Variants in VPS54 observed in about 807,000 individuals in gnomAD.
VPS54 encodes VPS54 subunit of GARP complex, also known as vacuolar protein sorting-associated protein 54.
Under a neutral mutation model 121.5 loss-of-function variants are expected in VPS54, and 45 were observed. That is an observed-to-expected ratio of 0.37 (90% CI 0.29 to 0.47). The LOEUF (loss-of-function observed/expected upper bound fraction) is 0.47. Ranked by LOEUF, VPS54 falls within the 20% of genes least tolerant of loss-of-function variation. The probability of loss-of-function intolerance (pLI) is 0.99; values close to 1 mark genes in which losing one functional copy is unlikely to be tolerated. For missense variants in VPS54, 1,090 were observed against 1,131.4 expected, an observed-to-expected ratio of 0.96 and a Z score of 0.52; for synonymous variants, 371 against 385.8, an observed-to-expected ratio of 0.96 and a Z score of 0.45.
chr2:63,985,843 T>G (rs1363685522), intron 1 of VPS54, among the ~76,000 whole-genome samples: 1 of 152,214 alleles, frequency 6.6e-6, no homozygotes, highest in Non-Finnish European at 1.5e-5. Context: ...CTCTGTCATT[T>G]ATATCCACAC....
At chr2:63,916,143 G>A (rs1673370036) in intron 16 of VPS54, among the ~76,000 whole-genome samples, 1 of 152,100 alleles carries the variant, frequency 6.6e-6, no homozygotes, top group South Asian at 2.1e-4. Context: ...AATTCTCATA[G>A]TGGAAAAAGG....
chr2:63,998,469 G>A (rs1027117213), intron 1 of VPS54, among the ~76,000 whole-genome samples: 2 of 151,962 alleles, frequency 1.3e-5, no homozygotes, highest in African/African-American at 2.4e-5. Flanking sequence ...TGGTTGTTTC[G>A]TAGTCTTCTC....
chr2:63,900,144 T>G (rs1672614237), intron 20 of VPS54, among the ~76,000 whole-genome samples: 2 of 135,694 alleles, frequency 1.5e-5, no homozygotes, highest in African/African-American at 5.7e-5. Flanking sequence ...TGCTTGGACC[T>G]GGGAGGTGCA....
chr2:63,986,477 A>G (rs745804118), intron 1 of VPS54, among the ~76,000 whole-genome samples: 1 of 152,224 alleles, frequency 6.6e-6, no homozygotes, highest in African/African-American at 2.4e-5. Flanking sequence ...TCTATTGTGT[A>G]TATGTACCAC....
At chr2:64,005,657 A>G (rs1678110272) in intron 1 of VPS54, among the ~76,000 whole-genome samples, 1 of 152,228 alleles carries the variant, frequency 6.6e-6, no homozygotes, top group African/African-American at 2.4e-5. Context: ...TGACATTTTG[A>G]AAGGGATAAT....
chr2:63,926,743 TGTGA>T lies in VPS54; in HGVS notation c.1740-5412_1740-5409del, dbSNP rs1673924166. Among the ~76,000 whole-genome samples, 3 of 152,268 alleles carry T rather than the reference TGTGA, an allele frequency of 2.0e-5. No homozygotes were observed. The South Asian group carries it at 6.2e-4, about 32-fold the overall frequency. ...TTTCCCTTTCCTAGCCAAGGGAAGCTGTGAGTAACTGCACCTGGAGAAGTGGTAC... is the reference window on the plus strand; with the variant it reads ...TTTCCCTTTCCTAGCCAAGGGAAGCTGTAACTGCACCTGGAGAAGTGGTAC... On this transcript the variant is annotated intron_variant, in intron 12 of 22. Coordinates refer to ENST00000272322, the MANE Select transcript of VPS54 (RefSeq NM_016516.3).
At chr2:64,009,460 C>T (rs1678327256) in intron 1 of VPS54, among the ~76,000 whole-genome samples, 1 of 152,060 alleles carries the variant, frequency 6.6e-6, no homozygotes, top group Non-Finnish European at 1.5e-5. Flanking sequence ...AGACTACTGG[C>T]ACCCAGCACC....
intron 6 of VPS54, among the ~76,000 whole-genome samples, chr2:63,962,713 CT>C (rs1322741953): frequency 6.6e-6 from 1 of 152,104 alleles, no homozygotes; most frequent in Non-Finnish European, 1.5e-5. Flanking sequence ...ACACCAACTG[CT>C]TTCTAAAAGA....
intron 11 of VPS54, among the ~76,000 whole-genome samples, chr2:63,939,088 CT>C (rs1438430792): frequency 2.0e-5 from 3 of 152,034 alleles, no homozygotes; most frequent in Non-Finnish European, 4.4e-5. Flanking sequence ...AAAATGTACC[CT>C]TTAATTTCTT....
At chr2:64,017,770 A>C (rs529575415) in intron 1 of VPS54, among the ~76,000 whole-genome samples, 1 of 152,390 alleles carries the variant, frequency 6.6e-6, no homozygotes, top group East Asian at 1.9e-4. Context: ...ATTTAAAAAT[A>C]GCCAAATTAC....
intron 1 of VPS54, among the ~76,000 whole-genome samples, chr2:64,007,116 A>T (rs1678196338): frequency 6.6e-6 from 1 of 152,226 alleles, no homozygotes; most frequent in Admixed American, 6.5e-5. Flanking sequence ...AACTAAACCA[A>T]TATGGGCAGA....
chr2:63,975,025 T>C (rs1159515294), intron 3 of VPS54: 19 of 1,549,576 alleles, frequency 1.2e-5, no homozygotes, highest in Middle Eastern at 3.3e-4. Context: ...AGTTTCCCCA[T>C]TAGCTACAGA....
intron 5 of VPS54, 54 bp from the exon 6 acceptor site, chr2:63,966,020 T>C: frequency 1.9e-6 from 3 of 1,549,908 alleles, no homozygotes; most frequent in African/African-American, 1.4e-5. Context: ...TTATACCCAT[T>C]ATCTCTTCTA....
chr2:63,976,823 CTCTTTTTT>C (rs1232902783), intron 3 of VPS54, among the ~76,000 whole-genome samples: 3 of 68,040 alleles, frequency 4.4e-5, no homozygotes, highest in Admixed American at 3.8e-4. Context: ...CTTATATCTT[CTCTTTTTT>C]TTTTTTTTTT....
chr2:63,956,911 C>T (rs1427288801), intron 7 of VPS54, among the ~76,000 whole-genome samples: 3 of 152,024 alleles, frequency 2.0e-5, no homozygotes, highest in Non-Finnish European at 4.4e-5. Flanking sequence ...GACACCACAG[C>T]CCTAAGTTTC....
intron 9 of VPS54, 21 bp from the exon 10 acceptor site, chr2:63,944,676 C>G (rs371571655): frequency 1.3e-6 from 2 of 1,583,010 alleles, no homozygotes; most frequent in African/African-American, 1.4e-5. Flanking sequence ...TAAGAAAAAA[C>G]AAAAACAATT....
At chr2:63,946,037 C>A (rs1233857496) in intron 9 of VPS54, among the ~76,000 whole-genome samples, 1 of 152,080 alleles carries the variant, frequency 6.6e-6, no homozygotes, top group Non-Finnish European at 1.5e-5. Flanking sequence ...CTCCCCTATT[C>A]CCCTACCAGT....
intron 7 of VPS54, among the ~76,000 whole-genome samples, chr2:63,952,858 G>C (rs979343348): frequency 1.3e-5 from 2 of 152,104 alleles, no homozygotes; most frequent in African/African-American, 2.4e-5. Context: ...CTTAGAATCT[G>C]TCTCAAAGAT....
chr2:64,001,895 A>T (rs1042797481), intron 1 of VPS54, among the ~76,000 whole-genome samples: 4 of 152,062 alleles, frequency 2.6e-5, no homozygotes, highest in Non-Finnish European at 5.9e-5. Flanking sequence ...ATGTGCCCCT[A>T]ATTCCACTGG....
Sources: allele counts gnomAD v4.1 joint callset (sites outside exome capture counted in the v4.1 genomes callset), GRCh38; gene constraint gnomAD v4.1.1; transcripts MANE v1.5; gene names NCBI Gene and HGNC (gene_info 2026-07-23, HGNC 2026-07-21).